ZNF565: variants seen among roughly 807,000 people sequenced by gnomAD.
ZNF565 encodes the protein zinc finger protein 565.
ZNF565 carries 27 observed loss-of-function variants against 39.4 expected under a neutral mutation model. That is an observed-to-expected ratio of 0.69 (90% CI 0.51 to 0.95). The LOEUF (loss-of-function observed/expected upper bound fraction) is 0.95. Ranked by LOEUF, ZNF565 falls within the 40% of genes least tolerant of loss-of-function variation. The probability of loss-of-function intolerance (pLI) is 0.00; values close to 1 mark genes in which losing one functional copy is unlikely to be tolerated. For missense variants in ZNF565, 524 were observed against 621.1 expected (o/e 0.84, Z 1.66); for synonymous variants, 185 against 216.6 (o/e 0.85, Z 1.28).
chr19:36,211,457 A>T (rs931737133), intron 1 of ZNF565, among the ~76,000 whole-genome samples: 14 of 141,048 alleles, frequency 9.9e-5, no homozygotes, highest in East Asian at 2.0e-4. Flanking sequence ...TCTCACACAC[A>T]CACACACACA....
At chr19:36,236,104 A>C (rs891365945) in intron 1 of ZNF565, 7 of 225,648 alleles carry the variant, frequency 3.1e-5, no homozygotes, top group Non-Finnish European at 6.1e-5. Flanking sequence ...GTCATGCTGA[A>C]GAGAAACCCT....
upstream of ZNF565, among the ~76,000 whole-genome samples, chr19:36,218,568 C>G (rs1976709320): frequency 6.6e-6 from 1 of 151,438 alleles, no homozygotes. Context: ...CTGGTTCATG[C>G]CATTCTCCCG....
intron 4 of ZNF565, among the ~76,000 whole-genome samples, chr19:36,184,089 A>C (rs1187412018): frequency 6.7e-6 from 1 of 149,214 alleles, no homozygotes; most frequent in Non-Finnish European, 1.5e-5. Flanking sequence ...TAAAAAAAAA[A>C]AAAAAAAAAA....
intron 1 of ZNF565, among the ~76,000 whole-genome samples, chr19:36,234,789 C>T (rs1258075439): frequency 1.3e-5 from 2 of 152,132 alleles, no homozygotes; most frequent in African/African-American, 4.8e-5. Context: ...GCAGCTCATT[C>T]CTGTCATCTC....
At chr19:36,223,154 C>T (rs577880240) in intron 1 of ZNF565, among the ~76,000 whole-genome samples, 12 of 151,748 alleles carry the variant, frequency 7.9e-5, no homozygotes, top group South Asian at 4.2e-4. Flanking sequence ...CGATGGCTCA[C>T]GCCTGTAATC....
intron 4 of ZNF565, 126 bp downstream of exon 4, chr19:36,194,107 C>T (rs1303741022): frequency 1.5e-6 from 1 of 667,994 alleles, no homozygotes; most frequent in Non-Finnish European, 2.4e-6. Context: ...TTACTCGCCA[C>T]ATCTTCACGT....
chr19:36,236,803 T>A, intron 1 of ZNF565: 1 of 1,614,066 alleles, frequency 6.2e-7, no homozygotes, highest in African/African-American at 1.3e-5. Context: ...ACCAGAGAAC[T>A]CACACAGGAG....
chr19:36,225,752 C>CTTT (rs67760026), intron 1 of ZNF565, among the ~76,000 whole-genome samples: 8 of 66,724 alleles, frequency 1.2e-4, no homozygotes, highest in Non-Finnish European at 1.7e-4. Flanking sequence ...CTTTGTGATT[C>CTTT]TTTTTTTTTT....
At chr19:36,239,744 TACAG>T (rs1380472123) in intron 1 of ZNF565, among the ~76,000 whole-genome samples, 3 of 152,196 alleles carry the variant, frequency 2.0e-5, no homozygotes, top group African/African-American at 7.2e-5. Flanking sequence ...CCACTGCTGT[TACAG>T]AGAGAGAATG....
intron 1 of ZNF565, among the ~76,000 whole-genome samples, chr19:36,213,897 C>T (rs993904492): frequency 1.4e-5 from 2 of 147,328 alleles, no homozygotes; most frequent in South Asian, 2.3e-4. Context: ...CGCTAAGACA[C>T]ACCCAGTCAC....
At chr19:36,223,902 C>T (rs1474222930) in intron 1 of ZNF565, among the ~76,000 whole-genome samples, 1 of 151,834 alleles carries the variant, frequency 6.6e-6, no homozygotes, top group Non-Finnish European at 1.5e-5. Context: ...AGGCTGGTCT[C>T]AAACTCCTGG....
At chr19:36,240,635 G>A (rs563480928) in intron 1 of ZNF565, among the ~76,000 whole-genome samples, 2 of 152,214 alleles carry the variant, frequency 1.3e-5, no homozygotes, top group South Asian at 2.1e-4. Context: ...CTGGGAGGCC[G>A]AGGCGGGTGG....
chr19:36,225,752 CTTTT>C (rs67760026), intron 1 of ZNF565, among the ~76,000 whole-genome samples: 26 of 66,722 alleles, frequency 3.9e-4, no homozygotes, highest in South Asian at 1.0e-3. Context: ...CTTTGTGATT[CTTTT>C]TTTTTTTTTT....
At chr19:36,201,376 T>C (rs994975011) in intron 2 of ZNF565, among the ~76,000 whole-genome samples, 2 of 152,170 alleles carry the variant, frequency 1.3e-5, no homozygotes, top group Non-Finnish European at 2.9e-5. Flanking sequence ...CTACTTTATT[T>C]CATGTTTGGC....
At position 36,207,402 on chromosome 19, in the gene ZNF565, T is replaced by A. The variant is rs530894601; in HGVS notation, c.-65-5352A>T. On this transcript the variant is annotated intron_variant, in intron 1 of 4. Transcript: ENST00000304116. ...TAAAAATACAAAAGTTAGCTGCGTATGGTGGTGAGCACCTGTAATCCTATT... is the reference window on the plus strand; with the variant it reads ...TAAAAATACAAAAGTTAGCTGCGTAAGGTGGTGAGCACCTGTAATCCTATT... Among the ~76,000 whole-genome samples the A allele has an allele frequency of 3.9e-5, 6 of 152,242 alleles. No homozygotes were observed. The South Asian group carries it at 1.2e-3, about 32-fold the overall frequency.
At chr19:36,212,327 T>C (rs950052405) in intron 1 of ZNF565, among the ~76,000 whole-genome samples, 2 of 151,818 alleles carry the variant, frequency 1.3e-5, no homozygotes, top group African/African-American at 4.8e-5. Context: ...AAAAGGAAAA[T>C]GGAGACCAGA....
intron 1 of ZNF565, among the ~76,000 whole-genome samples, chr19:36,223,820 G>A (rs1460565311): frequency 6.6e-6 from 1 of 151,624 alleles, no homozygotes; most frequent in Non-Finnish European, 1.5e-5. Flanking sequence ...GATCACAGCT[G>A]ACTGCAGCCT....
chr19:36,239,291 A>G (rs1468185992), intron 1 of ZNF565, among the ~76,000 whole-genome samples: 1 of 151,804 alleles, frequency 6.6e-6, no homozygotes, highest in Non-Finnish European at 1.5e-5. Context: ...TTTCCATGGG[A>G]AACGTGTGCA....
chr19:36,190,589 T>A (rs144282703), intron 4 of ZNF565, among the ~76,000 whole-genome samples: 37 of 128,374 alleles, frequency 2.9e-4, no homozygotes, highest in African/African-American at 5.6e-4. Flanking sequence ...AAAAAAAAAA[T>A]TAAAAAAAAA....
Sources: allele counts gnomAD v4.1 joint callset (sites outside exome capture counted in the v4.1 genomes callset), GRCh38; gene constraint gnomAD v4.1.1; transcripts MANE v1.5; gene names NCBI Gene and HGNC (gene_info 2026-07-23, HGNC 2026-07-21).